Variants in DTNBP1 observed in about 807,000 individuals in gnomAD.
DTNBP1 encodes the protein dystrobrevin binding protein 1.
A neutral mutation model predicts 42.8 loss-of-function variants in DTNBP1; 35 were observed. The ratio of observed to expected loss-of-function variants is 0.82; its 90% confidence interval spans 0.63 to 1.09. DTNBP1 has a LOEUF of 1.09. DTNBP1 is among the 50% of genes least tolerant of loss of function. The pLI is 0.00. For missense variants in DTNBP1, 457 were observed against 424.2 expected (o/e 1.08, Z -0.68); for synonymous variants, 171 against 162.2 (o/e 1.05, Z -0.41).
At chr6:15,630,775 G>A (rs1198113577) in intron 4 of DTNBP1, among the ~76,000 whole-genome samples, 1 of 152,120 alleles carries the variant, frequency 6.6e-6, no homozygotes, top group Non-Finnish European at 1.5e-5. Context: ...AATTAGCTGG[G>A]CATGGTGGCA....
intron 7 of DTNBP1, among the ~76,000 whole-genome samples, chr6:15,583,107 A>G (rs1224399414): frequency 2.0e-5 from 3 of 152,088 alleles, no homozygotes; most frequent in Admixed American, 2.0e-4. Context: ...CAGCCTCTCA[A>G]GTAGGTAGGG....
At chr6:15,575,048 C>A (rs757659904) in intron 7 of DTNBP1, among the ~76,000 whole-genome samples, 18 of 152,184 alleles carry the variant, frequency 1.2e-4, no homozygotes, top group Non-Finnish European at 1.9e-4. Flanking sequence ...CTGTCCTATT[C>A]CAGAAACCAG....
intron 7 of DTNBP1, among the ~76,000 whole-genome samples, chr6:15,583,159 T>G (rs1024655259): frequency 5.9e-5 from 9 of 152,150 alleles, no homozygotes; most frequent in Non-Finnish European, 1.5e-5. Flanking sequence ...TTTTAAATTT[T>G]TTTGTAGAGC....
intron 4 of DTNBP1, among the ~76,000 whole-genome samples, chr6:15,627,792 A>G (rs533352451): frequency 1.7e-4 from 19 of 109,280 alleles, no homozygotes; most frequent in Non-Finnish European, 3.0e-4. Flanking sequence ...TAAATCTAGA[A>G]AAAAAAAAAA....
At chr6:15,630,881 G>A (rs1421053751) in intron 4 of DTNBP1, among the ~76,000 whole-genome samples, 1 of 152,118 alleles carries the variant, frequency 6.6e-6, no homozygotes, top group African/African-American at 2.4e-5. Context: ...TCGCACCACT[G>A]CACTCCAGCC....
At chr6:15,634,661 C>T (rs1427488361) in intron 4 of DTNBP1, among the ~76,000 whole-genome samples, 1 of 152,056 alleles carries the variant, frequency 6.6e-6, no homozygotes, top group Non-Finnish European at 1.5e-5. Flanking sequence ...AAATTCTGCC[C>T]TCCATAATTA....
chr6:15,558,261 C>G (rs553750190), intron 7 of DTNBP1, among the ~76,000 whole-genome samples: 1 of 150,184 alleles, frequency 6.7e-6, no homozygotes, highest in South Asian at 2.1e-4. Flanking sequence ...CTATAAGATT[C>G]TGATGAGTAC....
In DTNBP1 at chr6:15,557,078, G is replaced by T. The variant is rs751538905; in HGVS notation, c.512-23683C>A. 1.3e-4 allele frequency among the ~76,000 whole-genome samples: 20 copies of T among 152,080 alleles called. 1 individual carries two copies. ...TCTGCACTTCTGTCTGGTGTCCTAG[G>T]CTTCACACCTGGTACCTACCAGGAT... On this transcript the variant is annotated intron_variant, in intron 7 of 9. Coordinates refer to ENST00000344537, the MANE Select transcript of DTNBP1 (RefSeq NM_032122.5).
At chr6:15,645,787 T>G (rs746299560) in intron 3 of DTNBP1, among the ~76,000 whole-genome samples, 7 of 152,018 alleles carry the variant, frequency 4.6e-5, no homozygotes, top group Non-Finnish European at 8.8e-5. Flanking sequence ...GGAACATACC[T>G]GAAAATACTA....
At chr6:15,653,983 A>G (rs751456623) in intron 1 of DTNBP1, among the ~76,000 whole-genome samples, 1 of 152,228 alleles carries the variant, frequency 6.6e-6, no homozygotes, top group Non-Finnish European at 1.5e-5. Context: ...TTTTCTGTCT[A>G]TAACGTCTGA....
At chr6:15,583,094 C>G (rs563242878) in intron 7 of DTNBP1, among the ~76,000 whole-genome samples, 2 of 152,160 alleles carry the variant, frequency 1.3e-5, no homozygotes, top group Non-Finnish European at 2.9e-5. Flanking sequence ...GATCCTTCCA[C>G]CTCAGCCTCT....
chr6:15,548,479 ACAC>A (rs1168450170), intron 7 of DTNBP1: 4 of 132,578 alleles, frequency 3.0e-5, no homozygotes, highest in Non-Finnish European at 5.0e-5. Flanking sequence ...ACACACACAC[ACAC>A]CACAATTCTT....
chr6:15,607,755 G>T (rs562748985), intron 6 of DTNBP1, among the ~76,000 whole-genome samples: 50 of 151,852 alleles, frequency 3.3e-4, no homozygotes, highest in African/African-American at 1.1e-3. Context: ...CCATGCAGAA[G>T]AATTCAGGGA....
At chr6:15,529,578 A>G (rs908391920) in intron 8 of DTNBP1, among the ~76,000 whole-genome samples, 13 of 152,296 alleles carry the variant, frequency 8.5e-5, no homozygotes, top group Admixed American at 5.2e-4. Context: ...GAGCTGATCA[A>G]TCCCTCTGGA....
intron 8 of DTNBP1, among the ~76,000 whole-genome samples, chr6:15,530,677 A>G (rs7760564): frequency 0.83 from 125,195 of 151,684 alleles, 51,961 homozygotes; most frequent in East Asian, 1. Flanking sequence ...TCGGGGGTGC[A>G]TCCACGGCTC....
rs1772994238 is a variant in DTNBP1, at chr6:15,533,249, C to G, written c.658G>C (p.Glu220Gln). Residue 220 changes from glutamate to glutamine, a missense_variant, in exon 8 of 10, where the codon GAG becomes CAG. Physicochemically the swap from Glu to Gln is conservative, Grantham distance 29. Coordinates refer to ENST00000344537, the MANE Select transcript of DTNBP1 (RefSeq NM_032122.5). ...YLSTGYLQIA[E>Q]RREPIGSMSS... ...CCCAGCCCCCACTCGCCTCGCCGCTCTGCAATCTGCAGGTAGCCAGTGGAC... is the reference window on the plus strand; with the variant it reads ...CCCAGCCCCCACTCGCCTCGCCGCTGTGCAATCTGCAGGTAGCCAGTGGAC... The G allele has an allele frequency of 6.2e-7, 1 of 1,614,086 alleles. No homozygotes were observed. The highest frequency in any genetic ancestry group is 8.5e-7 in the Non-Finnish European group (1 of 1,180,036).
rs994593059 is a variant in DTNBP1, at chr6:15,533,095, G to A, written c.667+145C>T. The A allele has an allele frequency of 3.8e-5, 48 of 1,248,500 alleles. 1 individual carries two copies. The highest frequency in any genetic ancestry group is 1.5e-4 in the South Asian group (12 of 77,960). 77.3% of individuals were successfully genotyped at this position (1,248,500 alleles called of 1,614,324 possible). On this transcript the variant is annotated intron_variant, in intron 8 of 9. Transcript: ENST00000344537. The stretch of plus-strand genomic sequence containing the variant: ...AAGCAGGGCAAGAGAGAGGTGGCCC[G>A]ACGCACACATTTTGGTTGCTGGGGT...
intron 7 of DTNBP1, among the ~76,000 whole-genome samples, chr6:15,551,478 G>C (rs1426348025): frequency 6.6e-6 from 1 of 152,138 alleles, no homozygotes. Context: ...GCCAACACCT[G>C]ATGGTTCTCC....
intron 3 of DTNBP1, among the ~76,000 whole-genome samples, chr6:15,642,075 G>C (rs564681136): frequency 1.4e-4 from 22 of 152,214 alleles, no homozygotes; most frequent in African/African-American, 4.6e-4. Flanking sequence ...CACCTCTACT[G>C]AAAGTGAGCC....
Sources: gnomAD v4.1 joint callset for allele counts (sites outside exome capture counted in the v4.1 genomes callset) on GRCh38, gnomAD v4.1.1 for gene constraint, MANE v1.5 for transcripts, NCBI Gene and HGNC (gene_info 2026-07-23, HGNC 2026-07-21) for gene names.